The following COL14A1 variants were observed in gnomAD, a reference collection of about 807,000 sequenced individuals.
COL14A1 encodes collagen alpha-1(XIV) chain.
In COL14A1, 136 loss-of-function variants were observed where a neutral mutation model predicts 230.3. That is an observed-to-expected ratio of 0.59 (90% CI 0.51 to 0.68). COL14A1 has a LOEUF of 0.68. Ranked by LOEUF, COL14A1 falls within the 30% of genes least tolerant of loss-of-function variation. The probability of loss-of-function intolerance (pLI) is 0.00; values close to 1 mark genes in which losing one functional copy is unlikely to be tolerated. For synonymous variants in COL14A1, 792 were observed against 784.1 expected (o/e 1.01, Z -0.17); for missense variants, 1,976 against 2,215.8 (o/e 0.89, Z 2.17).
At chr8:120,284,032 A>T (rs1820119391) in intron 32 of COL14A1, among the ~76,000 whole-genome samples, 1 of 152,224 alleles carries the variant, frequency 6.6e-6, no homozygotes, top group Admixed American at 6.5e-5. Context: ...AGAGAGAAAA[A>T]CAATTTTTAC....
In COL14A1 at chr8:120,151,326, T is replaced by C. The variant is rs1815271166; in HGVS notation, c.88+3396T>C. ...TGGGTTGGCCAAATTTGACATTAAT[T>C]TGCAAAGCCAAATAGACATTTTCAG... On this transcript the variant is annotated intron_variant, in intron 2 of 47. Coordinates refer to ENST00000297848, the MANE Select transcript of COL14A1 (RefSeq NM_021110.4). 3.9e-5 allele frequency among the ~76,000 whole-genome samples: 6 copies of C among 152,186 alleles called. No homozygotes were observed. In the South Asian group the frequency reaches 1.2e-3, roughly 32 times the overall value.
chr8:120,207,585 A>G (rs1171379532), intron 10 of COL14A1, among the ~76,000 whole-genome samples: 1 of 152,144 alleles, frequency 6.6e-6, no homozygotes, highest in Non-Finnish European at 1.5e-5. Context: ...TATGGCTGGC[A>G]TATTTTTATG....
intron 1 of COL14A1, among the ~76,000 whole-genome samples, chr8:120,140,075 T>C (rs1814849786): frequency 6.6e-6 from 1 of 151,974 alleles, no homozygotes; most frequent in Admixed American, 6.6e-5. Context: ...AATTAAAAAA[T>C]AAAAGATAGA....
chr8:120,213,789 T>C (rs1228402632), intron 13 of COL14A1: 1 of 222,214 alleles, frequency 4.5e-6, no homozygotes, highest in African/African-American at 2.4e-5. Flanking sequence ...TACTTGTTCC[T>C]GAGGCTGGCA....
At position 120,166,917 on chromosome 8, in the gene COL14A1, TGTGTG is replaced by T. The variant is rs763486549; in HGVS notation, c.350-1240_350-1236del. ...GTGTGTGTGTGTGTGTGTGTGTGTG[TGTGTG>T]GTGGTGATGATGGTGGTGGTGGGGG... On this transcript the variant is annotated intron_variant, in intron 4 of 47. Coordinates refer to ENST00000297848, the MANE Select transcript of COL14A1 (RefSeq NM_021110.4). 4.4e-3 allele frequency among the ~76,000 whole-genome samples: 638 copies of T among 145,826 alleles called. 7 individuals are homozygous for T. The highest frequency in any genetic ancestry group is 6.0e-3 in the African/African-American group (229 of 38,026).
intron 45 of COL14A1, among the ~76,000 whole-genome samples, chr8:120,364,021 G>C (rs1363830448): frequency 6.6e-6 from 1 of 151,998 alleles, no homozygotes; most frequent in Non-Finnish European, 1.5e-5. Flanking sequence ...TAAAGAATGA[G>C]GACAAGTTAT....
At chr8:120,203,961 T>G (rs750549462) in intron 9 of COL14A1, 91 bp downstream of exon 9, 82 of 1,371,438 alleles carry the variant, frequency 6.0e-5, no homozygotes, top group Non-Finnish European at 4.9e-6. Flanking sequence ...ATTTTTCATG[T>G]TGGCTTTTTG....
At chr8:120,349,571 G>A (rs1359550816) in intron 45 of COL14A1, among the ~76,000 whole-genome samples, 3 of 137,300 alleles carry the variant, frequency 2.2e-5, no homozygotes, top group Admixed American at 7.3e-5. Context: ...ACCAAGGCTC[G>A]AGAACTACGT....
chr8:120,152,996 C>T (rs1017928187), intron 2 of COL14A1, among the ~76,000 whole-genome samples: 21 of 152,028 alleles, frequency 1.4e-4, no homozygotes, highest in Non-Finnish European at 2.6e-4. Context: ...AGAATATTTT[C>T]CTTACAGCTG....
At chr8:120,322,795 T>C (rs1307431233) in intron 40 of COL14A1, among the ~76,000 whole-genome samples, 1 of 152,178 alleles carries the variant, frequency 6.6e-6, no homozygotes, top group African/African-American at 2.4e-5. Context: ...ATCCAGTCTA[T>C]CATTGATGGG....
intron 21 of COL14A1, among the ~76,000 whole-genome samples, chr8:120,248,284 G>A (rs372824943): frequency 2.6e-5 from 4 of 151,762 alleles, no homozygotes; most frequent in South Asian, 2.1e-4. Flanking sequence ...GATCCCTCTC[G>A]CCTCTACCTC....
chr8:120,327,874 C>T (rs2130187286), intron 40 of COL14A1, among the ~76,000 whole-genome samples: 1 of 151,884 alleles, frequency 6.6e-6, no homozygotes, highest in Admixed American at 6.6e-5. Context: ...AAGTGATTCT[C>T]ATGCCTCAGC....
intron 3 of COL14A1, among the ~76,000 whole-genome samples, chr8:120,159,840 C>T (rs1262842901): frequency 2.0e-5 from 3 of 151,932 alleles, no homozygotes; most frequent in Admixed American, 6.6e-5. Context: ...TACAGGTGCC[C>T]GCCACCATGC....
At chr8:120,356,109 A>G (rs947653701) in intron 45 of COL14A1, among the ~76,000 whole-genome samples, 1 of 152,236 alleles carries the variant, frequency 6.6e-6, no homozygotes. Flanking sequence ...GGTAAATGCT[A>G]AGTGAGTTAT....
rs573163673 is a variant in COL14A1, at chr8:120,226,618, G to T, written c.1865-9G>T. ...TTTCCCTAACAAAACCTCCTTCCTCGGTTTACAGAGGAAGTTCCAGCCCAG... is the reference window on the plus strand; with the variant it reads ...TTTCCCTAACAAAACCTCCTTCCTCTGTTTACAGAGGAAGTTCCAGCCCAG... On this transcript the variant is annotated splice_polypyrimidine_tract_variant and intron_variant, in intron 15 of 47. Transcript: ENST00000297848. 1.2e-6 allele frequency: 2 copies of T among 1,611,342 alleles called. No individual in the cohort carries two copies. The highest frequency in any genetic ancestry group is 2.2e-5 in the East Asian group (1 of 44,850).
intron 42 of COL14A1, among the ~76,000 whole-genome samples, chr8:120,340,120 G>A (rs1242394471): frequency 1.3e-5 from 2 of 150,942 alleles, no homozygotes; most frequent in Admixed American, 6.6e-5. Flanking sequence ...GTGTGTGTGT[G>A]TGTGTGTGTG....
chr8:120,218,708 C>A (rs1817840509), intron 14 of COL14A1, among the ~76,000 whole-genome samples: 1 of 152,136 alleles, frequency 6.6e-6, no homozygotes, highest in South Asian at 2.1e-4. Flanking sequence ...TGATAAGTGA[C>A]AACGGACAGT....
intron 42 of COL14A1, among the ~76,000 whole-genome samples, chr8:120,337,204 A>G (rs1212287146): frequency 6.6e-6 from 1 of 152,118 alleles, no homozygotes; most frequent in African/African-American, 2.4e-5. Flanking sequence ...CACCCTGGCC[A>G]ACATGGTGAA....
intron 47 of COL14A1, chr8:120,370,854 T>C: frequency 7.5e-7 from 1 of 1,340,048 alleles, no homozygotes; most frequent in South Asian, 1.3e-5. Flanking sequence ...AAAAAATTTC[T>C]ATTTCTTTTA....
Sources: allele counts gnomAD v4.1 joint callset (sites outside exome capture counted in the v4.1 genomes callset), GRCh38; gene constraint gnomAD v4.1.1; transcripts MANE v1.5; gene names NCBI Gene and HGNC (gene_info 2026-07-23, HGNC 2026-07-21).